PHACTR1: variants seen among roughly 807,000 people sequenced by gnomAD.
The protein encoded by PHACTR1 is RPEL repeat containing 1.
A neutral mutation model predicts 69.2 loss-of-function variants in PHACTR1; 16 were observed. That is an observed-to-expected ratio of 0.23 (90% CI 0.16 to 0.35). PHACTR1 has a LOEUF of 0.35. Ranked by LOEUF, PHACTR1 falls within the 10% of genes least tolerant of loss-of-function variation. The pLI is 1.00. For synonymous variants in PHACTR1, 312 were observed against 284.5 expected (o/e 1.10, Z -0.97); for missense variants, 510 against 734.7 (o/e 0.69, Z 3.54).
At chr6:12,812,436 A>C (rs919137444) in intron 4 of PHACTR1, among the ~76,000 whole-genome samples, 25 of 152,198 alleles carry the variant, frequency 1.6e-4, no homozygotes, top group Non-Finnish European at 7.3e-5. Context: ...TAATAGCACT[A>C]AGATAAAGGA....
At chr6:13,228,119 C>G (rs1770122750) in intron 9 of PHACTR1, 56 bp downstream of exon 9, 2 of 1,556,656 alleles carry the variant, frequency 1.3e-6, no homozygotes, top group African/African-American at 1.3e-5. Context: ...TGTGGAAAGA[C>G]AGCAGAGAGT....
intron 4 of PHACTR1, among the ~76,000 whole-genome samples, chr6:12,895,177 C>CTTTTTTTTTTTTT (rs139510433): frequency 5.7e-5 from 5 of 88,270 alleles, no homozygotes; most frequent in South Asian, 4.1e-4. Context: ...TTTCTTTTTT[C>CTTTTTTTTTTTTT]TTTTTTTTTT....
At chr6:12,795,574 A>G (rs370077903) in intron 4 of PHACTR1, among the ~76,000 whole-genome samples, 1 of 152,196 alleles carries the variant, frequency 6.6e-6, no homozygotes, top group Non-Finnish European at 1.5e-5. Context: ...AATAGGTGCT[A>G]CTGTTTGAGT....
At chr6:13,002,262 C>T (rs897188420) in intron 4 of PHACTR1, among the ~76,000 whole-genome samples, 3 of 152,184 alleles carry the variant, frequency 2.0e-5, no homozygotes, top group Non-Finnish European at 2.9e-5. Context: ...ATTTCTTTCA[C>T]GGCCTGGCAA....
chr6:13,181,009 A>G (rs1178862432), intron 6 of PHACTR1, among the ~76,000 whole-genome samples: 2 of 152,096 alleles, frequency 1.3e-5, no homozygotes, highest in African/African-American at 2.4e-5. Flanking sequence ...AAAAAAAAAC[A>G]CACTCTTCAA....
At chr6:12,754,687 C>T (rs753712635) in intron 4 of PHACTR1, among the ~76,000 whole-genome samples, 63 of 152,344 alleles carry the variant, frequency 4.1e-4, no homozygotes, top group Non-Finnish European at 4.9e-4. Context: ...AGTCGGCCTT[C>T]GGCATTCATG....
chr6:12,851,906 C>T (rs868104031), intron 4 of PHACTR1, among the ~76,000 whole-genome samples: 2 of 152,090 alleles, frequency 1.3e-5, no homozygotes, highest in Admixed American at 6.5e-5. Flanking sequence ...GTGATTTCAG[C>T]TCATTGCAAC....
intron 3 of PHACTR1, among the ~76,000 whole-genome samples, chr6:12,736,000 T>A (rs1269548579): frequency 6.6e-6 from 1 of 152,170 alleles, no homozygotes. Context: ...CAGAACTTTG[T>A]GTAGTGGACA....
At chr6:13,213,921 G>A (rs1312694363) in intron 8 of PHACTR1, 2 of 152,186 alleles carry the variant, frequency 1.3e-5, no homozygotes, top group Non-Finnish European at 2.9e-5. Flanking sequence ...TACCTGTCAT[G>A]TAGGAAGTAT....
At chr6:13,070,283 T>A (rs1809302442) in intron 5 of PHACTR1, among the ~76,000 whole-genome samples, 1 of 152,192 alleles carries the variant, frequency 6.6e-6, no homozygotes, top group South Asian at 2.1e-4. Context: ...TCCCTTTGAC[T>A]TTTATTCACT....
chr6:13,199,363 G>A (rs958999775), intron 7 of PHACTR1, among the ~76,000 whole-genome samples: 4 of 128,954 alleles, frequency 3.1e-5, no homozygotes, highest in Admixed American at 8.9e-5. Context: ...CAGCCTGGGC[G>A]ACAAAGTGAG....
intron 4 of PHACTR1, among the ~76,000 whole-genome samples, chr6:12,840,198 A>G (rs921991411): frequency 6.6e-6 from 1 of 152,184 alleles, no homozygotes; most frequent in Non-Finnish European, 1.5e-5. Flanking sequence ...AGGGGATCTG[A>G]TTACAGATCA....
rs67157877 is a variant in PHACTR1, at chr6:12,944,787, ATT to A, written c.251-108566_251-108565del. Among the ~76,000 whole-genome samples, 18 of 116,380 alleles carry A rather than the reference ATT, an allele frequency of 1.5e-4. No homozygotes were observed. In the South Asian group the frequency reaches 1.8e-3, roughly 12 times the overall value. The allele number at this position is 116,380 out of a possible 152,430, so 76.3% of individuals were successfully genotyped here. A position where few individuals can be genotyped will look rare whatever the true frequency, so the allele number is the denominator to read the frequency against. On this transcript the variant is annotated intron_variant, in intron 4 of 14. Coordinates refer to ENST00000332995, the MANE Select transcript of PHACTR1 (RefSeq NM_030948.6). ...TTTATTTATTTATTTATTTTTATTTATTTTTTTTTTTTTGAGACGGAGTCTGG... is the reference window on the plus strand; with the variant it reads ...TTTATTTATTTATTTATTTTTATTTATTTTTTTTTTTGAGACGGAGTCTGG...
Position 12,826,627 on chromosome 6 carries a change from T to G in PHACTR1, c.250+76837T>G, listed in dbSNP as rs572037905. ...CTTGAATCTTTTCTAATTTATGTCT[T>G]AAGTATGTAATTTACAAACTTCATT... On this transcript the variant is annotated intron_variant, in intron 4 of 14. Transcript: ENST00000332995. 6.8e-4 allele frequency among the ~76,000 whole-genome samples: 104 copies of G among 152,340 alleles called. 1 individual carries two copies. The highest frequency in any genetic ancestry group is 2.4e-3 in the African/African-American group (98 of 41,588).
rs141786808 is a variant in PHACTR1, at chr6:13,282,582, C to G, written c.1510-840C>G. 2.0e-5 allele frequency among the ~76,000 whole-genome samples: 3 copies of G among 152,124 alleles called. No individual in the cohort carries two copies. The East Asian group carries it at 5.8e-4, about 29-fold the overall frequency. On this transcript the variant is annotated intron_variant, in intron 12 of 14. Transcript: ENST00000332995. The stretch of plus-strand genomic sequence containing the variant: ...TCCCCTTGAACTTCTTGCAGAGGGC[C>G]GTCAGCAATGTTTGGGCTGACCTCT...
intron 5 of PHACTR1, among the ~76,000 whole-genome samples, chr6:13,110,627 A>G (rs537847522): frequency 5.3e-5 from 8 of 152,168 alleles, no homozygotes; most frequent in Admixed American, 4.6e-4. Context: ...CATCTCTTCA[A>G]CTCAGTAGGA....
At chr6:12,780,340 T>G (rs187859163) in intron 4 of PHACTR1, among the ~76,000 whole-genome samples, 150 of 151,956 alleles carry the variant, frequency 9.9e-4, no homozygotes, top group African/African-American at 3.5e-3. Context: ...CATACCTAAG[T>G]ATTCTGCAGA....
At chr6:13,065,213 A>C (rs532657088) in intron 5 of PHACTR1, among the ~76,000 whole-genome samples, 27 of 152,252 alleles carry the variant, frequency 1.8e-4, no homozygotes, top group Non-Finnish European at 3.2e-4. Context: ...TGATCATGGA[A>C]GCCCTGGGAT....
intron 4 of PHACTR1, among the ~76,000 whole-genome samples, chr6:12,850,535 A>G (rs1345340511): frequency 6.6e-6 from 1 of 152,266 alleles, no homozygotes; most frequent in Non-Finnish European, 1.5e-5. Context: ...GGTCTCCAGT[A>G]GCCTTTGGCC....
Sources: allele counts gnomAD v4.1 joint callset (sites outside exome capture counted in the v4.1 genomes callset), GRCh38; gene constraint gnomAD v4.1.1; transcripts MANE v1.5; gene names NCBI Gene and HGNC (gene_info 2026-07-23, HGNC 2026-07-21).